Variants in CNTN4 observed in about 807,000 individuals in gnomAD.
CNTN4 encodes contactin-4.
CNTN4 carries 77 observed loss-of-function variants against 122.5 expected under a neutral mutation model. The ratio of observed to expected loss-of-function variants is 0.63; its 90% CI spans 0.52 to 0.76. The LOEUF (loss-of-function observed/expected upper bound fraction) is 0.76. Ranked by LOEUF, CNTN4 falls within the 30% of genes least tolerant of loss-of-function variation. The probability of loss-of-function intolerance (pLI) is 0.00; values close to 1 mark genes in which losing one functional copy is unlikely to be tolerated. For missense variants in CNTN4, 1,256 were observed against 1,259.1 expected (o/e 1.00, Z 0.04); for synonymous variants, 512 against 447.0 (o/e 1.15, Z -1.83).
At chr3:2,574,180 C>T (rs769046209) in intron 4 of CNTN4, among the ~76,000 whole-genome samples, 3 of 152,226 alleles carry the variant, frequency 2.0e-5, no homozygotes, top group Admixed American at 6.5e-5. Context: ...CACGCCACTG[C>T]ACTCCAGCCT....
chr3:2,166,638 A>T (rs1480536431), intron 2 of CNTN4, among the ~76,000 whole-genome samples: 1 of 152,130 alleles, frequency 6.6e-6, no homozygotes, highest in Non-Finnish European at 1.5e-5. Flanking sequence ...TCTGAAAGTA[A>T]ATTCTAGCTT....
chr3:2,226,312 A>C (rs972077826), intron 2 of CNTN4, among the ~76,000 whole-genome samples: 2 of 152,130 alleles, frequency 1.3e-5, no homozygotes, highest in East Asian at 3.9e-4. Context: ...GTATGCTGCT[A>C]TTTGGGCTCC....
chr3:2,755,171 G>C (rs2090276277), intron 6 of CNTN4, among the ~76,000 whole-genome samples: 1 of 152,112 alleles, frequency 6.6e-6, no homozygotes, highest in African/African-American at 2.4e-5. Context: ...ATCCTTCATA[G>C]CCAATGAGTA....
intron 6 of CNTN4, among the ~76,000 whole-genome samples, chr3:2,779,089 G>T (rs1340315223): frequency 6.6e-6 from 1 of 152,168 alleles, no homozygotes; most frequent in African/African-American, 2.4e-5. Context: ...AGCTGACAAT[G>T]AAAGCATTTT....
At chr3:2,888,225 G>T (rs981586281) in intron 10 of CNTN4, among the ~76,000 whole-genome samples, 7 of 152,132 alleles carry the variant, frequency 4.6e-5, no homozygotes, top group Non-Finnish European at 7.4e-5. Context: ...GGCTAAGGGG[G>T]GGCCCAGAGT....
At chr3:2,120,337 A>G (rs1405072845) in intron 2 of CNTN4, among the ~76,000 whole-genome samples, 9 of 109,676 alleles carry the variant, frequency 8.2e-5, no homozygotes, top group Non-Finnish European at 1.4e-4. Flanking sequence ...AAACTATAAC[A>G]TGAGGCATTT....
At chr3:2,218,688 G>T (rs2038947134) in intron 2 of CNTN4, among the ~76,000 whole-genome samples, 1 of 152,076 alleles carries the variant, frequency 6.6e-6, no homozygotes, top group Non-Finnish European at 1.5e-5. Context: ...TAAACCAAAG[G>T]GATCTTTTTC....
chr3:3,002,340 C>T (rs866886107), intron 14 of CNTN4, among the ~76,000 whole-genome samples: 3 of 152,038 alleles, frequency 2.0e-5, no homozygotes, highest in Non-Finnish European at 4.4e-5. Flanking sequence ...CATAAAATAC[C>T]GACAAAGTAG....
At chr3:3,012,126 G>T (rs752274078) in intron 14 of CNTN4, among the ~76,000 whole-genome samples, 3 of 152,122 alleles carry the variant, frequency 2.0e-5, no homozygotes, top group Non-Finnish European at 4.4e-5. Flanking sequence ...GCTACTTCCA[G>T]TCTGTAAGAG....
intron 2 of CNTN4, among the ~76,000 whole-genome samples, chr3:2,264,963 C>A (rs547199167): frequency 1.3e-5 from 2 of 152,008 alleles, no homozygotes; most frequent in Non-Finnish European, 2.9e-5. Context: ...CCCCATCACC[C>A]AGGCAGTGTA....
chr3:2,386,225 C>G (rs1488453718), intron 3 of CNTN4, among the ~76,000 whole-genome samples: 1 of 152,072 alleles, frequency 6.6e-6, no homozygotes, highest in Non-Finnish European at 1.5e-5. Context: ...ACTCTGAATT[C>G]AAACATTTGC....
At chr3:3,012,968 A>T (rs1697386505) in intron 14 of CNTN4, among the ~76,000 whole-genome samples, 1 of 151,880 alleles carries the variant, frequency 6.6e-6, no homozygotes, top group African/African-American at 2.4e-5. Flanking sequence ...AATTCCATCT[A>T]AAAAATAAAA....
At chr3:2,307,759 A>G (rs1024611053) in intron 2 of CNTN4, among the ~76,000 whole-genome samples, 3 of 152,252 alleles carry the variant, frequency 2.0e-5, no homozygotes, top group South Asian at 2.1e-4. Flanking sequence ...GCTTTACTTG[A>G]ATAATCTGGT....
chr3:2,300,752 G>C (rs1044444998), intron 2 of CNTN4, among the ~76,000 whole-genome samples: 1 of 151,398 alleles, frequency 6.6e-6, no homozygotes, highest in Non-Finnish European at 1.5e-5. Context: ...TTGTATTTTC[G>C]TAGAGATGGG....
intron 12 of CNTN4, among the ~76,000 whole-genome samples, chr3:2,904,357 A>C (rs2151163475): frequency 6.6e-6 from 1 of 152,310 alleles, no homozygotes; most frequent in Admixed American, 6.5e-5. Context: ...AATGTTCTCA[A>C]GTAGAATGTA....
At chr3:2,545,979 C>T (rs893229687) in intron 3 of CNTN4, among the ~76,000 whole-genome samples, 2 of 152,008 alleles carry the variant, frequency 1.3e-5, no homozygotes, top group Non-Finnish European at 2.9e-5. Flanking sequence ...CCATCTCACA[C>T]CACTCAAAAT....
chr3:2,177,638 A>G (rs2036810924), intron 2 of CNTN4, among the ~76,000 whole-genome samples: 2 of 141,054 alleles, frequency 1.4e-5, no homozygotes, highest in East Asian at 2.1e-4. Flanking sequence ...AGCAGAACCA[A>G]TGGGATTGTG....
At chr3:3,048,630 G>C (rs1700930507) in intron 23 of CNTN4, among the ~76,000 whole-genome samples, 1 of 152,058 alleles carries the variant, frequency 6.6e-6, no homozygotes, top group South Asian at 2.1e-4. Flanking sequence ...GTCACTTTTA[G>C]GGTGAGATTA....
chr3:2,703,232 T>C (rs2086457732), intron 4 of CNTN4, among the ~76,000 whole-genome samples: 1 of 152,180 alleles, frequency 6.6e-6, no homozygotes, highest in Non-Finnish European at 1.5e-5. Flanking sequence ...GTATGCCTAA[T>C]ATAGTACCTG....
Sources: gnomAD v4.1 joint callset for allele counts (sites outside exome capture counted in the v4.1 genomes callset) on GRCh38, gnomAD v4.1.1 for gene constraint, MANE v1.5 for transcripts, NCBI Gene and HGNC (gene_info 2026-07-23, HGNC 2026-07-21) for gene names.